KCTD18: variants seen among roughly 807,000 people sequenced by gnomAD.
KCTD18 encodes the protein BTB/POZ domain-containing protein KCTD18.
Under a neutral mutation model 30.4 loss-of-function variants are expected in KCTD18, and 22 were observed. The observed-to-expected ratio is 0.72, with a 90% CI of 0.52 to 1.03. The LOEUF (loss-of-function observed/expected upper bound fraction) is 1.03. Among genes scored for constraint, KCTD18 ranks in the 50% least tolerant of loss-of-function variants. KCTD18 has a pLI of 0.00. For synonymous variants in KCTD18, 186 were observed against 209.0 expected (o/e 0.89, Z 0.95); for missense variants, 529 against 547.6 (o/e 0.97, Z 0.34).
chr2:200,505,185 T>C (rs1368099063), intron 2 of KCTD18, among the ~76,000 whole-genome samples: 1 of 152,232 alleles, frequency 6.6e-6, no homozygotes, highest in African/African-American at 2.4e-5. Flanking sequence ...TAGGTGATAT[T>C]GTAAAATAGA....
Position 200,504,801 on chromosome 2 carries a change from A to G in KCTD18, c.319T>C (p.Leu107=), listed in dbSNP as rs1266504424. ...IPYPYSLSDH[L]ANEMETYSLR... ...GAATATGTCTCCATTTCATTGGCCA[A>G]ATGGTCAGACAGGCTGTATGGATAA... The change falls in exon 3 of 7, where the codon TTG becomes CTG. Residue 107 remains leucine (L), a synonymous_variant. Transcript: ENST00000359878. The G allele has an allele frequency of 6.2e-7, 1 of 1,614,238 alleles. No homozygotes were observed. The highest frequency in any genetic ancestry group is 2.2e-5 in the East Asian group (1 of 44,886).
intron 2 of KCTD18, among the ~76,000 whole-genome samples, chr2:200,506,462 GCT>G (rs1266651089): frequency 6.6e-6 from 1 of 152,226 alleles, no homozygotes; most frequent in Admixed American, 6.5e-5. Context: ...GACGATGGCT[GCT>G]CTGTTAGCAA....
intron 3 of KCTD18, among the ~76,000 whole-genome samples, chr2:200,504,018 C>T (rs997448339): frequency 1.3e-5 from 2 of 152,148 alleles, no homozygotes; most frequent in Non-Finnish European, 2.9e-5. Flanking sequence ...ATTAGCCAAA[C>T]TAATGTTTTA....
At chr2:200,494,233 G>A (rs928799695) in intron 5 of KCTD18, among the ~76,000 whole-genome samples, 3 of 152,168 alleles carry the variant, frequency 2.0e-5, no homozygotes, top group Admixed American at 1.3e-4. Context: ...GGGAGTGACC[G>A]CTTAGGGGTT....
chr2:200,490,632 C>A lies in KCTD18; in HGVS notation c.765-16G>T. On this transcript the variant is annotated splice_polypyrimidine_tract_variant and intron_variant, in intron 6 of 6. Coordinates refer to ENST00000359878, the MANE Select transcript of KCTD18 (RefSeq NM_152387.4). ...TATCAGTCGCCTAGAAATACAGAAG[C>A]GTGTCATTTTCCACATGTATAGTTT... 1 of 1,560,290 alleles carries A rather than the reference C, an allele frequency of 6.4e-7. No individual in the cohort carries two copies. The highest frequency in any genetic ancestry group is 8.6e-7 in the Non-Finnish European group (1 of 1,158,432).
chr2:200,500,308 G>T (rs1180049454), intron 3 of KCTD18, among the ~76,000 whole-genome samples: 1 of 148,946 alleles, frequency 6.7e-6, no homozygotes. Context: ...AGGAAATAAA[G>T]GGTATTCAGT....
intron 1 of KCTD18, among the ~76,000 whole-genome samples, chr2:200,509,342 C>T (rs1420135230): frequency 6.6e-6 from 1 of 152,088 alleles, no homozygotes; most frequent in South Asian, 2.1e-4. Context: ...CACTGTTTCA[C>T]CCCTATGGAT....
intron 5 of KCTD18, 26 bp downstream of exon 5, chr2:200,497,727 C>T: frequency 6.8e-7 from 1 of 1,477,534 alleles, no homozygotes; most frequent in Non-Finnish European, 9.5e-7. Flanking sequence ...CACCTGCTTC[C>T]ATGAAATAAA....
intron 6 of KCTD18, among the ~76,000 whole-genome samples, 194 bp downstream of exon 6, chr2:200,492,978 T>C (rs2087943006): frequency 6.6e-6 from 1 of 152,204 alleles, no homozygotes; most frequent in African/African-American, 2.4e-5. Flanking sequence ...CAAAGAATTA[T>C]AGCCACTTTT....
intron 2 of KCTD18, among the ~76,000 whole-genome samples, chr2:200,505,430 T>G (rs2030135921): frequency 6.6e-6 from 1 of 152,332 alleles, no homozygotes; most frequent in Admixed American, 6.5e-5. Flanking sequence ...TTTTCTGATT[T>G]GTACACAAAG....
intron 3 of KCTD18, 25 bp downstream of exon 3, chr2:200,504,723 C>T (rs774540643): frequency 1.3e-6 from 2 of 1,549,250 alleles, no homozygotes; most frequent in South Asian, 1.1e-5. Flanking sequence ...TATATATATT[C>T]AAAAACTTAA....
chr2:200,492,003 C>T (rs1478523629), intron 6 of KCTD18, among the ~76,000 whole-genome samples: 1 of 152,188 alleles, frequency 6.6e-6, no homozygotes, highest in African/African-American at 2.4e-5. Flanking sequence ...CTTACAAGTG[C>T]TTCTCAGTCA....
Position 200,490,232 on chromosome 2 carries a change from C to G in KCTD18, c.1149G>C (p.Pro383=), listed in dbSNP as rs16833583. The change falls in exon 7 of 7, where the codon CCG becomes CCC. Residue 383 remains proline, a synonymous_variant. Transcript: ENST00000359878. ...GCAGGCAAGGCGCGGTGGCGCACAGCGGAGTCCTCTTCAGCTTTATCACCC... is the reference window on the plus strand; with the variant it reads ...GCAGGCAAGGCGCGGTGGCGCACAGGGGAGTCCTCTTCAGCTTTATCACCC... ...PQRVIKLKRT[P]LCATAPCLPS... 5.8e-3 allele frequency: 9,347 copies of G among 1,614,212 alleles called. 494 individuals carry two copies. In the African/African-American group the frequency reaches 0.11, roughly 19 times the overall value.
In KCTD18 at chr2:200,498,902, G is replaced by A. The variant is rs751015887; in HGVS notation, c.555C>T (p.Gly185=). 4 of 1,613,342 alleles carry A rather than the reference G, an allele frequency of 2.5e-6. No homozygotes were observed. The East Asian group carries it at 8.9e-5, about 36-fold the overall frequency. The stretch of plus-strand genomic sequence containing the variant: ...AAATTTGGACATACCTTTTAAAAAT[G>A]CCTTTGCTGTGAATTCTTCCTCCCA... The part of the protein sequence containing the change: ...KQLGGRIHSK[G]IFKREAGNNV... Residue 185 remains glycine (G), a synonymous_variant, in exon 4 of 7, where the codon GGC becomes GGT. Transcript: ENST00000359878.
chr2:200,507,074 T>A lies in KCTD18; in HGVS notation c.-58A>T. The stretch of plus-strand genomic sequence containing the variant: ...AACACTTTCAGAAACTTCAAAACAA[T>A]GATGTCTTGGTCTCCCTCTGTAAAA... On this transcript the variant is annotated 5_prime_UTR_variant, in exon 2 of 7. Transcript: ENST00000359878. 1 of 1,443,812 alleles carries A rather than the reference T, an allele frequency of 6.9e-7. No homozygotes were observed. The highest frequency in any genetic ancestry group is 9.5e-7 in the Non-Finnish European group (1 of 1,048,752). The allele number at this position is 1,443,812 out of a possible 1,614,324, so 89.4% of individuals were successfully genotyped here.
chr2:200,490,399 G>A lies in KCTD18; in HGVS notation c.982C>T (p.Pro328Ser). The A allele has an allele frequency of 2.5e-6, 4 of 1,614,174 alleles. No homozygotes were observed. Among genetic ancestry groups the A allele is most frequent in the African/African-American group, 1.3e-5 (1 of 75,062 alleles). The change falls in exon 7 of 7, where the codon CCT (proline) becomes TCT (serine). Residue 328 changes from proline (P) to serine (S), a missense_variant. Transcript: ENST00000359878. The part of the protein sequence containing the change: ...SRRKAAQRSA[P>S]SRATALVGTG... ...CCCACCAGGGCCGTGGCTCTGGAAG[G>A]TGCAGAGCGCTGAGCTGCCTTTCTG...
intron 6 of KCTD18, among the ~76,000 whole-genome samples, chr2:200,491,072 C>G (rs779606384): frequency 1.3e-5 from 2 of 152,154 alleles, no homozygotes; most frequent in African/African-American, 2.4e-5. Context: ...CCCCGAAGCT[C>G]ATGTTGAAAT....
chr2:200,494,693 T>G (rs956249447), intron 5 of KCTD18, among the ~76,000 whole-genome samples: 1 of 152,096 alleles, frequency 6.6e-6, no homozygotes, highest in African/African-American at 2.4e-5. Context: ...AAAGTCAGAT[T>G]TATTAAGATA....
intron 1 of KCTD18, among the ~76,000 whole-genome samples, chr2:200,507,870 C>G (rs115803797): frequency 1.3e-5 from 2 of 152,108 alleles, no homozygotes; most frequent in African/African-American, 4.8e-5. Flanking sequence ...GACAGGGTCT[C>G]GCTGTGTTGC....
Sources: gnomAD v4.1 joint callset for allele counts (sites outside exome capture counted in the v4.1 genomes callset) on GRCh38, gnomAD v4.1.1 for gene constraint, MANE v1.5 for transcripts, NCBI Gene and HGNC (gene_info 2026-07-23, HGNC 2026-07-21) for gene names.